The following NBPF8 variants were observed in gnomAD, a reference collection of about 807,000 sequenced individuals.
NBPF8 encodes the protein NBPF family member NBPF8.
exon 25 of NBPF8, chr1:120,466,180 CTCTA>C: frequency 6.2e-7 from 1 of 1,609,538 alleles, no homozygotes; most frequent in Non-Finnish European, 8.5e-7. Context: ...GGTGACAAGT[CTCTA>C]TCTGGTCTTC....
intron 1 of NBPF8, among the ~76,000 whole-genome samples, chr1:120,421,308 G>T (rs1361821275): frequency 6.6e-6 from 1 of 152,174 alleles, no homozygotes; most frequent in African/African-American, 2.4e-5. Flanking sequence ...GGTGGTGTAA[G>T]TTCCCCTGGA....
At chr1:120,430,894 G>T (rs1660857528) in intron 3 of NBPF8, among the ~76,000 whole-genome samples, 2 of 151,588 alleles carry the variant, frequency 1.3e-5, no homozygotes, top group African/African-American at 2.4e-5. Flanking sequence ...CAGAAGAGTT[G>T]TTATGTTTAA....
chr1:120,445,961 C>G (rs1161921373), exon 8 of NBPF8: 1 of 927,992 alleles, frequency 1.1e-6, no homozygotes. Context: ...ATGAGCCGGA[C>G]AAGTCCCAGG....
At chr1:120,462,819 A>C in exon 21 of NBPF8, 1 of 318,664 alleles carries the variant, frequency 3.1e-6, no homozygotes, top group Non-Finnish European at 5.4e-6. Context: ...GCTGGATGAG[A>C]AAGAGCCTGA....
chr1:120,456,234 A>G (rs1241746645), intron 16 of NBPF8, among the ~76,000 whole-genome samples: 1 of 151,098 alleles, frequency 6.6e-6, no homozygotes, highest in Non-Finnish European at 1.5e-5. Flanking sequence ...AGAAGAATGT[A>G]TATTCTGTTG....
chr1:120,436,601 C>A (rs2101620412), exon 1 of NBPF8: 5 of 1,608,268 alleles, frequency 3.1e-6, no homozygotes, highest in Non-Finnish European at 4.2e-6. Flanking sequence ...ATTGCGCCCC[C>A]AGTTGGCAGA....
At chr1:120,454,702 G>GTTTTTTT (rs1570940919) in intron 15 of NBPF8, among the ~76,000 whole-genome samples, 2 of 21,752 alleles carry the variant, frequency 9.2e-5, no homozygotes, top group South Asian at 1.1e-3. Flanking sequence ...TAGCATCGTG[G>GTTTTTTT]ATTTTTTTTT....
At chr1:120,434,127 C>G (rs1553247428), upstream of NBPF8, 2 of 152,502 alleles carry the variant, frequency 1.3e-5, no homozygotes, top group Admixed American at 6.6e-5. Flanking sequence ...CCTGGGCTGG[C>G]GGGTGGGGGA....
chr1:120,467,870 T>C (rs1468064922), downstream of NBPF8: 5 of 152,218 alleles, frequency 3.3e-5, no homozygotes, highest in East Asian at 1.9e-4. Context: ...CTCTTCCACA[T>C]TGTAGGCTAT....
chr1:120,462,423 G>A lies in NBPF8; in HGVS notation n.3061+226G>A, dbSNP rs1190193599. ...TTGACCATACCTCAAAGGCTGTATG[G>A]CAACTGCATGGAGTCTTGAGCAAGT... On this transcript the variant is annotated intron_variant and non_coding_transcript_variant, in intron 20 of 24. Transcript: ENST00000583271. Among the ~76,000 whole-genome samples, 132 of 147,204 alleles carry A rather than the reference G, an allele frequency of 9.0e-4. No homozygotes were observed. The South Asian group carries it at 0.01, about 12-fold the overall frequency.
chr1:120,434,397 T>C (rs2101600076), upstream of NBPF8, among the ~76,000 whole-genome samples: 1 of 146,696 alleles, frequency 6.8e-6, no homozygotes, highest in East Asian at 2.0e-4. Context: ...ATATAATATA[T>C]ATACACGTGT....
At chr1:120,420,653 G>T (rs1318253992) in intron 1 of NBPF8, among the ~76,000 whole-genome samples, 1 of 146,256 alleles carries the variant, frequency 6.8e-6, no homozygotes, top group East Asian at 2.0e-4. Context: ...TTAAAAGAGA[G>T]GCCACTTTTG....
upstream of NBPF8, among the ~76,000 whole-genome samples, chr1:120,434,692 G>A (rs1661024497): frequency 1.3e-5 from 2 of 149,294 alleles, no homozygotes; most frequent in Non-Finnish European, 3.0e-5. Flanking sequence ...GATTTTGAGT[G>A]AAATAATATT....
chr1:120,469,018 A>C (rs1661833071), downstream of NBPF8, among the ~76,000 whole-genome samples: 1 of 151,730 alleles, frequency 6.6e-6, no homozygotes, highest in African/African-American at 2.4e-5. Flanking sequence ...TGAGAAATTC[A>C]GCTGTTATCA....
chr1:120,467,524 C>T (rs1661770166), exon 25 of NBPF8: 1 of 101,750 alleles, frequency 9.8e-6, no homozygotes, highest in Admixed American at 1.1e-4. Flanking sequence ...TTCTAATGAT[C>T]ATCCTCTAAA....
intron 16 of NBPF8, among the ~76,000 whole-genome samples, chr1:120,456,312 G>T (rs1434233205): frequency 6.7e-6 from 1 of 150,350 alleles, no homozygotes; most frequent in African/African-American, 2.5e-5. Flanking sequence ...TCAAGTCCTG[G>T]ATATCCTTGT....
intron 3 of NBPF8, among the ~76,000 whole-genome samples, chr1:120,428,893 C>T (rs1448440987): frequency 6.6e-6 from 1 of 151,784 alleles, no homozygotes; most frequent in South Asian, 2.1e-4. Context: ...TATCTTGACT[C>T]CTGGTTGAGT....
At chr1:120,446,250 T>C (rs1233357364) in intron 8 of NBPF8, among the ~76,000 whole-genome samples, 2 of 122,110 alleles carry the variant, frequency 1.6e-5, no homozygotes, top group Non-Finnish European at 3.5e-5. Flanking sequence ...CCCTCCTTCC[T>C]TGATGGAAGG....
At chr1:120,449,916 A>G (rs1661213606) in intron 11 of NBPF8, among the ~76,000 whole-genome samples, 1 of 152,136 alleles carries the variant, frequency 6.6e-6, no homozygotes, top group African/African-American at 2.4e-5. Flanking sequence ...TGTGCTGTCT[A>G]TAAGTGACAG....
Sources: allele counts gnomAD v4.1 joint callset (sites outside exome capture counted in the v4.1 genomes callset), GRCh38; gene constraint gnomAD v4.1.1; transcripts MANE v1.5; gene names NCBI Gene and HGNC (gene_info 2026-07-23, HGNC 2026-07-21).